The following SPATA6 variants were observed in gnomAD, a reference collection of about 807,000 sequenced individuals.
SPATA6 encodes spermatogenesis associated 6.
A neutral mutation model predicts 65.3 loss-of-function variants in SPATA6; 56 were observed. That is an observed-to-expected ratio of 0.86 (90% CI 0.69 to 1.07). The LOEUF is 1.07. Among genes scored for constraint, SPATA6 ranks in the 50% least tolerant of loss-of-function variants. SPATA6 has a pLI of 0.00. For missense variants in SPATA6, 590 were observed against 594.8 expected (o/e 0.99, Z 0.08); for synonymous variants, 199 against 213.2 (o/e 0.93, Z 0.58).
chr1:48,433,729 C>A (rs1028944101), intron 3 of SPATA6, among the ~76,000 whole-genome samples: 8 of 152,102 alleles, frequency 5.3e-5, no homozygotes, highest in African/African-American at 1.7e-4. Context: ...TTATATAAAT[C>A]CTTAGTCCTA....
the SPATA6 span, among the ~76,000 whole-genome samples, chr1:48,261,609 C>T: frequency 6.6e-6 from 1 of 152,044 alleles, no homozygotes; most frequent in African/African-American, 2.4e-5. Context: ...TATCTCAAAA[C>T]CACTCGCGTG....
At chr1:48,446,976 C>G (rs1405669531) in intron 3 of SPATA6, among the ~76,000 whole-genome samples, 1 of 152,068 alleles carries the variant, frequency 6.6e-6, no homozygotes, top group African/African-American at 2.4e-5. Flanking sequence ...TCTTCTCTTT[C>G]TCTTCCTCCT....
In SPATA6 at chr1:48,395,359, AG is replaced by A; in HGVS notation, c.781-6del. The A allele has an allele frequency of 6.5e-7, 1 of 1,531,260 alleles. No homozygotes were observed. The highest frequency in any genetic ancestry group is 8.8e-7 in the Non-Finnish European group (1 of 1,140,268). 94.9% of individuals were successfully genotyped at this position (1,531,260 alleles called of 1,614,324 possible). On this transcript the variant is annotated splice_polypyrimidine_tract_variant and splice_region_variant and intron_variant, in intron 7 of 12. Transcript: ENST00000371847. ...CCTGGGACTTGGGGGATCAACCTAG[AG>A]GAAGCAGGATTTTTATGTAAAAGAG...
intron 11 of SPATA6, among the ~76,000 whole-genome samples, chr1:48,307,075 G>A (rs1457090926): frequency 2.6e-5 from 4 of 151,334 alleles, no homozygotes; most frequent in Non-Finnish European, 5.9e-5. Flanking sequence ...TACCTATTCC[G>A]AGAAGTCAAT....
intron 3 of SPATA6, among the ~76,000 whole-genome samples, chr1:48,415,786 C>T (rs1295252514): frequency 6.7e-6 from 1 of 150,184 alleles, no homozygotes; most frequent in African/African-American, 2.4e-5. Context: ...AAACAAATTT[C>T]CTTAAATTAA....
At chr1:48,435,008 A>G (rs1403055602) in intron 3 of SPATA6, among the ~76,000 whole-genome samples, 1 of 150,880 alleles carries the variant, frequency 6.6e-6, no homozygotes, top group Non-Finnish European at 1.5e-5. Flanking sequence ...AATTTATTAA[A>G]TTATAATACA....
the SPATA6 span, among the ~76,000 whole-genome samples, chr1:48,278,682 T>C: frequency 1.3e-5 from 2 of 152,022 alleles, no homozygotes; most frequent in Non-Finnish European, 2.9e-5. Flanking sequence ...TGGGACTATG[T>C]GAAAAGACCG....
At chr1:48,399,246 A>C (rs1435056016) in intron 7 of SPATA6, 105 bp downstream of exon 7, 1 of 1,286,952 alleles carries the variant, frequency 7.8e-7, no homozygotes, top group South Asian at 1.6e-5. Context: ...AGAAGAGAAA[A>C]GTATTATTAA....
chr1:48,451,607 T>C lies in SPATA6; in HGVS notation c.190-7A>G. 6.2e-7 allele frequency: 1 copy of C among 1,609,980 alleles called. No individual in the cohort carries two copies. The highest frequency in any genetic ancestry group is 8.5e-7 in the Non-Finnish European group (1 of 1,178,256). On this transcript the variant is annotated splice_region_variant and splice_polypyrimidine_tract_variant and intron_variant, in intron 2 of 12. Coordinates refer to ENST00000371847, the MANE Select transcript of SPATA6 (RefSeq NM_019073.4). ...CTACTGCGTCCGGGAACACCTATAG[T>C]GAGACGATACAGGGAGAGGCAGGAA...
At chr1:48,270,169 C>A in the SPATA6 span, among the ~76,000 whole-genome samples, 1 of 152,048 alleles carries the variant, frequency 6.6e-6, no homozygotes, top group Non-Finnish European at 1.5e-5. Flanking sequence ...AAGTCTTTAC[C>A]TAGAACTATC....
At chr1:48,315,997 C>T (rs1032976211) in intron 11 of SPATA6, among the ~76,000 whole-genome samples, 5 of 152,108 alleles carry the variant, frequency 3.3e-5, no homozygotes, top group African/African-American at 1.2e-4. Context: ...AGGGCCTCTT[C>T]AAGGAGAACT....
rs555452994 is a variant in SPATA6 at position 48,401,350 on chromosome 1, T to C, written c.487-1706A>G. The stretch of plus-strand genomic sequence containing the variant: ...TCATCTTTATTAAAGCTTTTAATAC[T>C]GCATACTACTAGAGAAAGTTATAAA... On this transcript the variant is annotated intron_variant, in intron 6 of 12. Transcript: ENST00000371847. Among the ~76,000 whole-genome samples the C allele has an allele frequency of 2.6e-5, 4 of 152,276 alleles. No homozygotes were observed. In the South Asian group the frequency reaches 8.3e-4, roughly 32 times the overall value.
the SPATA6 span, among the ~76,000 whole-genome samples, chr1:48,263,349 A>G: frequency 6.6e-6 from 1 of 152,188 alleles, no homozygotes; most frequent in Non-Finnish European, 1.5e-5. Flanking sequence ...TGAGATCTTT[A>G]AGATGGATCA....
chr1:48,334,587 C>T (rs913191986), intron 11 of SPATA6, among the ~76,000 whole-genome samples: 1 of 152,040 alleles, frequency 6.6e-6, no homozygotes, highest in African/African-American at 2.4e-5. Flanking sequence ...TTCAACAATC[C>T]TTCATGTTAA....
At chr1:48,387,594 C>T (rs568574004) in intron 8 of SPATA6, among the ~76,000 whole-genome samples, 116 of 152,336 alleles carry the variant, frequency 7.6e-4, no homozygotes, top group African/African-American at 2.6e-3. Flanking sequence ...TCTGCCCCTG[C>T]CTACCACAGC....
intron 11 of SPATA6, among the ~76,000 whole-genome samples, chr1:48,341,603 A>G (rs1274891316): frequency 6.6e-6 from 1 of 152,212 alleles, no homozygotes; most frequent in African/African-American, 2.4e-5. Flanking sequence ...AAAGCAAATC[A>G]GTAAAGTGCT....
intron 9 of SPATA6, among the ~76,000 whole-genome samples, chr1:48,366,179 T>C (rs896387174): frequency 3.3e-5 from 5 of 152,234 alleles, no homozygotes; most frequent in African/African-American, 9.6e-5. Flanking sequence ...TTTGATGTGC[T>C]GCTGGATTCG....
intron 9 of SPATA6, among the ~76,000 whole-genome samples, chr1:48,361,474 T>A (rs1001097148): frequency 2.6e-5 from 4 of 152,078 alleles, no homozygotes; most frequent in South Asian, 2.1e-4. Context: ...AATCTGAAGT[T>A]GAATTCAAGA....
Position 48,395,317 on chromosome 1 carries a change from C to T in SPATA6, c.818G>A (p.Gly273Glu). 1 of 1,569,192 alleles carries T rather than the reference C, an allele frequency of 6.4e-7. No individual in the cohort carries two copies. The highest frequency in any genetic ancestry group is 1.4e-5 in the African/African-American group (1 of 73,042). Residue 273 changes from glycine (G) to glutamate (E), a missense_variant, in exon 8 of 13, where the codon GGA (glycine) becomes GAA (glutamate). Physicochemically the swap from Gly to Glu is moderately conservative, Grantham distance 98 (BLOSUM62 -2). Transcript: ENST00000371847. ...TCTTTCACAGTCTCTTCCAGAAGAT[C>T]CCAATAAAGTATCAGCCCTGGGACT... The part of the protein sequence containing the change: ...PPSPRADTLL[G>E]SSGRDCERDG...
Sources: gnomAD v4.1 joint callset for allele counts (sites outside exome capture counted in the v4.1 genomes callset) on GRCh38, gnomAD v4.1.1 for gene constraint, MANE v1.5 for transcripts, NCBI Gene and HGNC (gene_info 2026-07-23, HGNC 2026-07-21) for gene names.